BICD1: variants seen among roughly 807,000 people sequenced by gnomAD.
BICD1 encodes the protein BICD cargo adaptor 1.
BICD1 carries 35 observed loss-of-function variants against 92.5 expected under a neutral mutation model. The ratio of observed to expected loss-of-function variants is 0.38; its 90% CI spans 0.29 to 0.50. The LOEUF is 0.50. BICD1 is among the 20% of genes least tolerant of loss of function. BICD1 has a pLI of 0.93. For synonymous variants in BICD1, 429 were observed against 465.1 expected, an observed-to-expected ratio of 0.92 and a Z score of 1.00; for missense variants, 950 against 1,189.8, an observed-to-expected ratio of 0.80 and a Z score of 2.97.
chr12:32,116,843 G>A (rs1484601505), intron 1 of BICD1, among the ~76,000 whole-genome samples: 1 of 152,078 alleles, frequency 6.6e-6, no homozygotes, highest in Non-Finnish European at 1.5e-5. Flanking sequence ...GCCTCCCAAA[G>A]TGTTGGGATT....
chr12:32,197,272 G>A (rs1192684323), intron 1 of BICD1, among the ~76,000 whole-genome samples: 2 of 152,128 alleles, frequency 1.3e-5, no homozygotes, highest in Non-Finnish European at 2.9e-5. Flanking sequence ...GCCTCCCAAA[G>A]TGCTGGGATT....
At chr12:32,142,320 C>T (rs896251559) in intron 1 of BICD1, among the ~76,000 whole-genome samples, 11 of 142,424 alleles carry the variant, frequency 7.7e-5, no homozygotes, top group Admixed American at 6.7e-4. Context: ...ACAGGAGAAT[C>T]GCTTGAACCT....
intron 4 of BICD1, among the ~76,000 whole-genome samples, chr12:32,317,755 CT>C (rs1435272618): frequency 2.0e-5 from 3 of 152,180 alleles, no homozygotes; most frequent in African/African-American, 7.2e-5. Flanking sequence ...GTTGCCATTG[CT>C]TTTGGTGTTT....
At chr12:32,347,505 G>A (rs1467687513) in intron 8 of BICD1, among the ~76,000 whole-genome samples, 1 of 151,666 alleles carries the variant, frequency 6.6e-6, no homozygotes, top group Non-Finnish European at 1.5e-5. Context: ...GGGCATGGTG[G>A]TGCGTGCCTG....
chr12:32,192,479 C>T (rs1592450089), intron 1 of BICD1, among the ~76,000 whole-genome samples: 3 of 130,720 alleles, frequency 2.3e-5, no homozygotes, highest in East Asian at 2.2e-4. Flanking sequence ...GATAGATAGA[C>T]AAATAAAGCA....
At chr12:32,190,498 CAAA>C (rs1283643288) in intron 1 of BICD1, among the ~76,000 whole-genome samples, 1 of 152,082 alleles carries the variant, frequency 6.6e-6, no homozygotes, top group East Asian at 1.9e-4. Flanking sequence ...TCACAGAAGA[CAAA>C]GAAGATCACT....
At chr12:32,342,140 G>GTGTATATATATGTGTGTATATATA (rs1938392685) in intron 8 of BICD1, among the ~76,000 whole-genome samples, 1 of 146,108 alleles carries the variant, frequency 6.8e-6, no homozygotes, top group South Asian at 2.1e-4. Context: ...ATATATATGT[G>GTGTATATATATGTGTGTATATATA]TGTATATATA....
At position 32,209,701 on chromosome 12, in the gene BICD1, T is replaced by C. The variant is rs565252640; in HGVS notation, c.214-6546T>C. ...TGTAATTCTTGCTTAGCAACACTTA[T>C]ATCTAAGCTTTCTTCTCTGAGGGAA... is the stretch of plus-strand genomic sequence containing the variant. On this transcript the variant is annotated intron_variant, in intron 1 of 9. Transcript: ENST00000652176. 2.6e-3 allele frequency among the ~76,000 whole-genome samples: 398 copies of C among 152,096 alleles called. 2 individuals carry two copies. Among genetic ancestry groups the C allele is most frequent in the African/African-American group, 9.1e-3 (378 of 41,550 alleles).
At chr12:32,126,077 A>G (rs1592338576) in intron 1 of BICD1, among the ~76,000 whole-genome samples, 1 of 151,066 alleles carries the variant, frequency 6.6e-6, no homozygotes, top group African/African-American at 2.4e-5. Flanking sequence ...AAAGCAGTGC[A>G]TCAAATCTGA....
chr12:32,332,952 ATTAC>A, intron 5 of BICD1: 1 of 985,434 alleles, frequency 1.0e-6, no homozygotes, highest in Non-Finnish European at 1.2e-6. Flanking sequence ...GATACTTAAA[ATTAC>A]TTAATTCTGG....
At position 32,179,628 on chromosome 12, in the gene BICD1, T is replaced by C. The variant is rs568833313; in HGVS notation, c.214-36619T>C. Among the ~76,000 whole-genome samples the C allele has an allele frequency of 3.9e-5, 6 of 152,114 alleles. No individual in the cohort carries two copies. In the East Asian group the frequency reaches 9.6e-4, roughly 24 times the overall value. On this transcript the variant is annotated intron_variant, in intron 1 of 9. Coordinates refer to ENST00000652176, the MANE Select transcript of BICD1 (RefSeq NM_001714.4). Reference sequence around the variant, plus strand: ...AAATTGTGGGAATAAGCAAAATATTTTTCATAGCAGTAATAAGGATTTTTA... The same window carrying C: ...AAATTGTGGGAATAAGCAAAATATTCTTCATAGCAGTAATAAGGATTTTTA...
At position 32,116,462 on chromosome 12, in the gene BICD1, GTC is replaced by G. The variant is rs1173406919; in HGVS notation, c.213+8946_213+8947del. Among the ~76,000 whole-genome samples the G allele has an allele frequency of 3.5e-3, 316 of 91,560 alleles. 2 individuals carry two copies. The highest frequency in any genetic ancestry group is 0.015 in the East Asian group (54 of 3,690). 60.1% of individuals were successfully genotyped at this position (91,560 alleles called of 152,430 possible). On this transcript the variant is annotated intron_variant, in intron 1 of 9. Coordinates refer to ENST00000652176, the MANE Select transcript of BICD1 (RefSeq NM_001714.4). ...TCTCTGTCTGTCTGTCTGTCTGTCTGTCTCTCTCTCTCTCTCTCTCTCTCTCT... is the reference window on the plus strand; with the variant it reads ...TCTCTGTCTGTCTGTCTGTCTGTCTGTCTCTCTCTCTCTCTCTCTCTCTCT...
intron 2 of BICD1, among the ~76,000 whole-genome samples, chr12:32,264,429 T>C (rs533450741): frequency 6.6e-6 from 1 of 152,296 alleles, no homozygotes; most frequent in Admixed American, 6.5e-5. Context: ...CCATAAAAAA[T>C]ACATATAGAA....
chr12:32,216,494 G>C (rs745938948), intron 2 of BICD1, 35 bp downstream of exon 2: 1 of 1,594,500 alleles, frequency 6.3e-7, no homozygotes, highest in South Asian at 1.1e-5. Flanking sequence ...AGATTTGTGA[G>C]AGGGAGAAAT....
chr12:32,124,383 C>G (rs1242101060), intron 1 of BICD1, among the ~76,000 whole-genome samples: 1 of 152,070 alleles, frequency 6.6e-6, no homozygotes, highest in East Asian at 1.9e-4. Context: ...TTTGAAATCC[C>G]TTTAGCAGCT....
intron 9 of BICD1, among the ~76,000 whole-genome samples, chr12:32,368,277 A>G (rs899735193): frequency 1.3e-5 from 2 of 151,444 alleles, no homozygotes; most frequent in African/African-American, 4.9e-5. Flanking sequence ...AGGAGGATCA[A>G]TCGCTTGAGC....
chr12:32,269,537 G>C (rs1158806634), intron 2 of BICD1, among the ~76,000 whole-genome samples: 1 of 152,162 alleles, frequency 6.6e-6, no homozygotes, highest in African/African-American at 2.4e-5. Context: ...AAAAGGAAGA[G>C]AATTAGAGAA....
chr12:32,180,060 A>T (rs1944229046), intron 1 of BICD1, among the ~76,000 whole-genome samples: 1 of 150,962 alleles, frequency 6.6e-6, no homozygotes, highest in African/African-American at 2.4e-5. Flanking sequence ...CGCAGTAGGT[A>T]AAGAAGCAAA....
intron 1 of BICD1, among the ~76,000 whole-genome samples, chr12:32,122,369 G>C (rs2121236309): frequency 6.6e-6 from 1 of 151,756 alleles, no homozygotes; most frequent in East Asian, 2.0e-4. Flanking sequence ...GGCGCCTGTA[G>C]TCCCAGCTAC....
Sources: gnomAD v4.1 joint callset for allele counts (sites outside exome capture counted in the v4.1 genomes callset) on GRCh38, gnomAD v4.1.1 for gene constraint, MANE v1.5 for transcripts, NCBI Gene and HGNC (gene_info 2026-07-23, HGNC 2026-07-21) for gene names.